CTC1: variants seen among roughly 807,000 people sequenced by gnomAD.
The protein encoded by CTC1 is CST complex subunit CTC1.
CTC1 carries 91 observed loss-of-function variants against 136.3 expected under a neutral mutation model. The observed-to-expected ratio is 0.67, with a 90% CI of 0.56 to 0.79. CTC1 has a LOEUF of 0.79. Ranked by LOEUF, CTC1 falls within the 30% of genes least tolerant of loss-of-function variation. The pLI, the probability that CTC1 is intolerant of heterozygous loss-of-function variation, is 0.00. For synonymous variants in CTC1, 606 were observed against 613.8 expected (o/e 0.99, Z 0.19); for missense variants, 1,432 against 1,498.1 (o/e 0.96, Z 0.73).
intron 17 of CTC1, 25 bp downstream of exon 17, chr17:8,230,269 G>A (rs1489388383): frequency 3.1e-6 from 5 of 1,594,772 alleles, no homozygotes; most frequent in South Asian, 2.3e-5. Context: ...AGCAAGAGGA[G>A]GCAGGTGACA....
In CTC1 at chr17:8,234,908, C is replaced by T. The variant is rs755551857; in HGVS notation, c.1458G>A (p.Leu486=). Residue 486 remains leucine, a synonymous_variant, in exon 9 of 23, where the codon CTG becomes CTA. Transcript: ENST00000651323. ...ELACKLCPHV[L]RHHQFLQHSS... ...AATGTTGCAGGAACTGGTGGTGTCT[C>T]AGCACATGGGGACACAGCCTTGGCC... The T allele has an allele frequency of 2.5e-6, 4 of 1,605,034 alleles. No homozygotes were observed. Among genetic ancestry groups the T allele is most frequent in the Middle Eastern group, 3.3e-4 (2 of 6,004 alleles).
chr17:8,241,842 CCT>C (rs1988244542), intron 2 of CTC1, among the ~76,000 whole-genome samples: 1 of 107,012 alleles, frequency 9.3e-6, no homozygotes, highest in Non-Finnish European at 2.0e-5. Flanking sequence ...AGAGTGAGAC[CCT>C]GTCTCAAAAA....
intron 17 of CTC1, 95 bp from the exon 18 acceptor site, chr17:8,230,063 T>C (rs1597375263): frequency 2.5e-6 from 3 of 1,206,208 alleles, no homozygotes; most frequent in African/African-American, 1.5e-5. Context: ...GAGTGGCCAC[T>C]CCCCCTGAGG....
chr17:8,240,436 G>A (rs1273578347), intron 2 of CTC1, among the ~76,000 whole-genome samples: 4 of 148,216 alleles, frequency 2.7e-5, no homozygotes, highest in Non-Finnish European at 5.9e-5. Flanking sequence ...TTACAGGCGT[G>A]AGCCATCCAT....
chr17:8,225,397 T>A lies in CTC1; in HGVS notation c.*2783A>T, dbSNP rs1986551006. 1 of 152,282 alleles carries A rather than the reference T, an allele frequency of 6.6e-6. No homozygotes were observed. The highest frequency in any genetic ancestry group is 1.5e-5 in the Non-Finnish European group (1 of 68,080). The allele number at this position is 152,282 out of a possible 1,614,324, so 9.4% of individuals were successfully genotyped here. A position where few individuals can be genotyped will look rare whatever the true frequency, so the allele number is the denominator to read the frequency against. ...AATTCCTTCAAGCCATTTGCTCATC[T>A]TACATTGGTTCGTGGGCCATGGAAT... is the stretch of plus-strand genomic sequence containing the variant. On this transcript the variant is annotated 3_prime_UTR_variant, in exon 23 of 23. Coordinates refer to ENST00000651323, the MANE Select transcript of CTC1 (RefSeq NM_025099.6).
In CTC1 at chr17:8,228,318, T is replaced by A; in HGVS notation, c.3516A>T (p.Glu1172Asp). ...ERKPSKIVPL[E>D]PPRLQRFQCG... is the part of the protein sequence containing the mutation. ...ACTGGAATCGCTGTAGCCGAGGAGG[T>A]TCTGAGGTGGGAAGAGAGGAAAAAC... The change falls in exon 23 of 23, where the codon GAA (glutamate) becomes GAT (aspartate). Residue 1172 changes from glutamate (E) to aspartate (D), a missense_variant and splice_region_variant. By Grantham distance (45) the Glu-to-Asp change is conservative. Transcript: ENST00000651323. 6.2e-7 allele frequency: 1 copy of A among 1,613,306 alleles called. No homozygotes were observed. The highest frequency in any genetic ancestry group is 8.5e-7 in the Non-Finnish European group (1 of 1,179,616).
At chr17:8,230,231 G>T in intron 17 of CTC1, 63 bp downstream of exon 17, 2 of 1,504,482 alleles carry the variant, frequency 1.3e-6, no homozygotes, top group Non-Finnish European at 9.1e-7. Flanking sequence ...GTTAAGCAGG[G>T]GTGCACATTC....
rs1196630450 is a variant in CTC1, at chr17:8,237,456, C to T, written c.711G>A (p.Val237=). The change falls in exon 5 of 23, where the codon GTG becomes GTA. Residue 237 remains valine, a synonymous_variant. Coordinates refer to ENST00000651323, the MANE Select transcript of CTC1 (RefSeq NM_025099.6). The stretch of plus-strand genomic sequence containing the variant: ...TGAAGTAAGCTTTCTGTTTACTTTT[C>T]ACCAGAGCACTCAATCGAACTAGAC... ...AGSLVRLSAL[V]KSKQKAYFIL... 6 of 1,613,904 alleles carry T rather than the reference C, an allele frequency of 3.7e-6. No homozygotes were observed. Among genetic ancestry groups the T allele is most frequent in the Non-Finnish European group, 5.1e-6 (6 of 1,179,938 alleles).
intron 10 of CTC1, 56 bp downstream of exon 10, chr17:8,234,399 G>T: frequency 6.8e-7 from 1 of 1,476,678 alleles, no homozygotes; most frequent in Non-Finnish European, 9.3e-7. Context: ...CTAGAGTCGT[G>T]GCAATAAGGA....
chr17:8,238,347 A>G, intron 3 of CTC1, 45 bp downstream of exon 3: 2 of 1,585,132 alleles, frequency 1.3e-6, no homozygotes, highest in Non-Finnish European at 1.7e-6. Context: ...CTTGGACACC[A>G]TTCTTGTCAG....
intron 5 of CTC1, among the ~76,000 whole-genome samples, chr17:8,237,143 C>T (rs1249314495): frequency 6.6e-6 from 1 of 151,112 alleles, no homozygotes; most frequent in African/African-American, 2.4e-5. Context: ...TTTAAAAGGT[C>T]ACATACAATC....
rs906676323 is a variant in CTC1, at chr17:8,244,222, T to C, written c.34-1074A>G. On this transcript the variant is annotated intron_variant, in intron 1 of 22. Coordinates refer to ENST00000651323, the MANE Select transcript of CTC1 (RefSeq NM_025099.6). ...GTATGCATTTCCCACAAACTAAATATATGCAAGATACAACCTCACTTGATT... is the reference window on the plus strand; with the variant it reads ...GTATGCATTTCCCACAAACTAAATACATGCAAGATACAACCTCACTTGATT... 3.3e-5 allele frequency among the ~76,000 whole-genome samples: 5 copies of C among 152,290 alleles called. No individual in the cohort carries two copies. In the East Asian group the frequency reaches 7.7e-4, roughly 23 times the overall value.
intron 1 of CTC1, 194 bp downstream of exon 1, chr17:8,247,810 G>C: frequency 1.6e-6 from 1 of 613,958 alleles, no homozygotes; most frequent in Non-Finnish European, 3.0e-6. Context: ...GGCTCACAGC[G>C]GGCGCCGCGT....
chr17:8,238,748 G>C, intron 2 of CTC1, 119 bp from the exon 3 acceptor site: 1 of 720,226 alleles, frequency 1.4e-6, no homozygotes, highest in Non-Finnish European at 2.3e-6. Flanking sequence ...TGGACTAAGA[G>C]GTGAGTTTGA....
intron 2 of CTC1, among the ~76,000 whole-genome samples, chr17:8,242,354 G>A (rs1988299995): frequency 6.6e-6 from 1 of 151,644 alleles, no homozygotes; most frequent in Admixed American, 6.6e-5. Context: ...CTTCTATGAG[G>A]AGATAAATAG....
chr17:8,232,995 C>T lies in CTC1; in HGVS notation c.1856G>A (p.Gly619Asp), dbSNP rs1987375790. ...LGVLVASSHK[G>D]CLQLRDQSGS... is the part of the protein sequence containing the mutation. ...ACTTTGGTCCCGAAGTTGCAGACAACCTTTATGAGATGAAGCCACCAGAAC... is the reference window on the plus strand; with the variant it reads ...ACTTTGGTCCCGAAGTTGCAGACAATCTTTATGAGATGAAGCCACCAGAAC... Residue 619 changes from glycine to aspartate, a missense_variant, in exon 11 of 23, where the codon GGT becomes GAT. By Grantham distance (94) the Gly-to-Asp change is moderately conservative (BLOSUM62 -1). Transcript: ENST00000651323. 2 of 1,614,100 alleles carry T rather than the reference C, an allele frequency of 1.2e-6. No individual in the cohort carries two copies. The highest frequency in any genetic ancestry group is 1.7e-6 in the Non-Finnish European group (2 of 1,180,016).
chr17:8,234,916 G>A lies in CTC1; in HGVS notation c.1450C>T (p.His484Tyr). Reference sequence around the variant, plus strand: ...AGGAACTGGTGGTGTCTCAGCACATGGGGACACAGCCTTGGCCAGGAAAAG... The same window carrying A: ...AGGAACTGGTGGTGTCTCAGCACATAGGGACACAGCCTTGGCCAGGAAAAG... ...LEELACKLCP[H>Y]VLRHHQFLQH... The change falls in exon 9 of 23, where the codon CAT becomes TAT. Residue 484 changes from histidine to tyrosine, a missense_variant. Physicochemically the swap from His to Tyr is moderately conservative, Grantham distance 83. Coordinates refer to ENST00000651323, the MANE Select transcript of CTC1 (RefSeq NM_025099.6). 1.2e-6 allele frequency: 2 copies of A among 1,602,408 alleles called. No homozygotes were observed. The highest frequency in any genetic ancestry group is 1.3e-5 in the African/African-American group (1 of 74,792).
Position 8,230,566 on chromosome 17 carries a change from G to A in CTC1, c.2755C>T (p.Leu919=), listed in dbSNP as rs981154955. The change falls in exon 16 of 23, where the codon CTG becomes TTG. Residue 919 remains leucine (L), a synonymous_variant. Coordinates refer to ENST00000651323, the MANE Select transcript of CTC1 (RefSeq NM_025099.6). ...EPLVASLWMK[L]GNTGAMRRCV... ...CCCACAAAGGAAGGGTCATTACCCA[G>A]TTTCATCCAGAGAGACGCCACAAGG... 11 of 1,614,076 alleles carry A rather than the reference G, an allele frequency of 6.8e-6. No individual in the cohort carries two copies. The East Asian group carries it at 2.5e-4, about 36-fold the overall frequency.
Position 8,226,323 on chromosome 17 carries a change from G to T in CTC1, c.*1857C>A, listed in dbSNP as rs886053594. ...GCCACGGCGCCGAAGCTGCCATAAA[G>T]GTTCCTGAAATTCATCTACAAGAAT... On this transcript the variant is annotated 3_prime_UTR_variant, in exon 23 of 23. Coordinates refer to ENST00000651323, the MANE Select transcript of CTC1 (RefSeq NM_025099.6). 1 of 152,172 alleles carries T rather than the reference G, an allele frequency of 6.6e-6. No individual in the cohort carries two copies. The allele number at this position is 152,172 out of a possible 1,614,324, so 9.4% of individuals were successfully genotyped here. A position where few individuals can be genotyped will look rare whatever the true frequency, so the allele number is the denominator to read the frequency against.
Sources: allele counts gnomAD v4.1 joint callset (sites outside exome capture counted in the v4.1 genomes callset), GRCh38; gene constraint gnomAD v4.1.1; transcripts MANE v1.5; gene names NCBI Gene and HGNC (gene_info 2026-07-23, HGNC 2026-07-21).